Variants in SNHG17 observed in about 807,000 individuals in gnomAD.
SNHG17 encodes small nucleolar RNA host gene 17 (non-protein coding).
At chr20:38,433,801 C>G (rs2084377989) in intron 2 of SNHG17, 2 of 518,958 alleles carry the variant, frequency 3.9e-6, no homozygotes, top group Non-Finnish European at 7.7e-6. Flanking sequence ...GAGCCTTGCA[C>G]AGGGAGCACT....
chr20:38,433,996 G>C, intron 2 of SNHG17: 1 of 518,044 alleles, frequency 1.9e-6, no homozygotes, highest in Non-Finnish European at 3.9e-6. Context: ...TTCGAATACA[G>C]GTGCAAAAAA....
chr20:38,425,009 C>T (rs1284502000), intron 5 of SNHG17: 2 of 306,924 alleles, frequency 6.5e-6, no homozygotes, highest in African/African-American at 2.2e-5. Flanking sequence ...GGATGAGGTG[C>T]CCCCATCCAG....
rs540655825 is a variant in SNHG17, at chr20:38,422,818, C to T, written n.580-577G>A. ...TAAAAAGAAGACCCTTGGCCAGGCG[C>T]GGTGGCTCACACCTGTAATCCCAGT... is the stretch of plus-strand genomic sequence containing the variant. On this transcript the variant is annotated intron_variant and non_coding_transcript_variant, in intron 5 of 8. Transcript: ENST00000654008. Among the ~76,000 whole-genome samples, 114 of 152,136 alleles carry T rather than the reference C, an allele frequency of 7.5e-4. No individual in the cohort carries two copies. In the South Asian group the frequency reaches 0.017, roughly 23 times the overall value.
rs1568866677 is a variant in SNHG17 at position 38,434,054 on chromosome 20, G to A, written n.308+450C>T. The A allele has an allele frequency of 5.3e-5, 27 of 509,546 alleles. 2 individuals are homozygous for A. The highest frequency in any genetic ancestry group is 3.7e-4 in the South Asian group (26 of 70,342). 31.6% of individuals were successfully genotyped at this position (509,546 alleles called of 1,614,324 possible). On this transcript the variant is annotated intron_variant and non_coding_transcript_variant, in intron 2 of 8. Coordinates refer to ENST00000654008, the Ensembl canonical transcript of SNHG17. The stretch of plus-strand genomic sequence containing the variant: ...GTGTTAGCTGCCAGATCTCCAGAGG[G>A]AGGCTCACCCCCCAGGGAAGAGAAG...
At chr20:38,425,234 G>A (rs2084226725) in intron 5 of SNHG17, 1 of 519,060 alleles carries the variant, frequency 1.9e-6, no homozygotes, top group Admixed American at 1.9e-5. Flanking sequence ...GGATAGGAGT[G>A]GACCCTTCAA....
In SNHG17 at chr20:38,423,550, TA is replaced by T. The variant is rs34484602; in HGVS notation, n.580-1310del. Among the ~76,000 whole-genome samples the T allele has an allele frequency of 7.8e-3, 974 of 124,916 alleles. 4 individuals carry two copies. Among genetic ancestry groups the T allele is most frequent in the Middle Eastern group, 0.012 (3 of 260 alleles). 81.9% of individuals were successfully genotyped at this position (124,916 alleles called of 152,430 possible). ...CATATCTCACTTATGTGTGCAATGTTAAAAAAAAAAAAAAAAGGTCAAGCAT... is the reference window on the plus strand; with the variant it reads ...CATATCTCACTTATGTGTGCAATGTTAAAAAAAAAAAAAAAGGTCAAGCAT... On this transcript the variant is annotated intron_variant and non_coding_transcript_variant, in intron 5 of 8. Coordinates refer to ENST00000654008, the Ensembl canonical transcript of SNHG17.
intron 3 of SNHG17, chr20:38,429,938 C>A: frequency 5.0e-6 from 2 of 396,770 alleles, no homozygotes; most frequent in Non-Finnish European, 4.8e-6. Context: ...GCTTCTGACT[C>A]CCAGAGATCA....
chr20:38,420,978 TG>T (rs1482862196), intron 7 of SNHG17: 1 of 152,230 alleles, frequency 6.6e-6, no homozygotes, highest in Non-Finnish European at 1.5e-5. Context: ...CCTCTGGCTG[TG>T]GGTTCTGGCT....
At chr20:38,427,001 C>CACAT (rs2084260685) in intron 3 of SNHG17, among the ~76,000 whole-genome samples, 1 of 137,240 alleles carries the variant, frequency 7.3e-6, no homozygotes, top group African/African-American at 3.3e-5. Context: ...CACATACACA[C>CACAT]ACACACACAC....
At chr20:38,434,178 C>A (rs1023008756) in intron 2 of SNHG17, among the ~76,000 whole-genome samples, 4 of 152,204 alleles carry the variant, frequency 2.6e-5, no homozygotes, top group Non-Finnish European at 5.9e-5. Flanking sequence ...AAAAATGCCT[C>A]GGCTGTACAT....
intron 3 of SNHG17, among the ~76,000 whole-genome samples, chr20:38,426,989 T>TACACACACACACACACAC: frequency 8.9e-6 from 1 of 112,754 alleles, no homozygotes; most frequent in African/African-American, 4.9e-5. Context: ...GTCCCCAAGT[T>TACACACACACACACACAC]ACACATACAC....
intron 1 of SNHG17, chr20:38,435,061 G>A: frequency 8.1e-6 from 10 of 1,230,226 alleles, no homozygotes; most frequent in Non-Finnish European, 1.0e-5. Flanking sequence ...CGCGAATCCT[G>A]GGGGGCTCAC....
At chr20:38,433,246 G>A (rs981993722) in intron 2 of SNHG17, among the ~76,000 whole-genome samples, 7 of 152,160 alleles carry the variant, frequency 4.6e-5, no homozygotes, top group African/African-American at 1.4e-4. Context: ...AGAGTGCTGG[G>A]ATTACAGGTG....
intron 3 of SNHG17, chr20:38,426,636 G>A (rs2084253307): frequency 6.6e-6 from 1 of 150,996 alleles, no homozygotes; most frequent in Non-Finnish European, 1.5e-5. Context: ...ACTTCCCCTT[G>A]GTCCTCCCTC....
intron 5 of SNHG17, among the ~76,000 whole-genome samples, chr20:38,424,750 T>A (rs1447677544): frequency 6.6e-6 from 1 of 152,006 alleles, no homozygotes; most frequent in Non-Finnish European, 1.5e-5. Context: ...GGGGGAGCTC[T>A]AGGAAGGGGT....
At chr20:38,431,087 C>T (rs189992307) in exon 3 of SNHG17, 1 of 152,448 alleles carries the variant, frequency 6.6e-6, no homozygotes, top group East Asian at 1.9e-4. Context: ...CTCTCACACA[C>T]ATGGGGCGGC....
intron 1 of SNHG17, chr20:38,434,797 A>G: frequency 1.0e-6 from 1 of 959,468 alleles, no homozygotes; most frequent in Non-Finnish European, 1.2e-6. Context: ...GGGGAAAACG[A>G]GTTAACGGTC....
intron 3 of SNHG17, chr20:38,427,298 G>A (rs1238484245): frequency 2.0e-6 from 1 of 496,658 alleles, no homozygotes. Context: ...TGGCAGGAGA[G>A]CAACAGGAGT....
chr20:38,435,291 G>C (rs1600774319), exon 1 of SNHG17: 7 of 1,231,720 alleles, frequency 5.7e-6, no homozygotes, highest in Non-Finnish European at 7.1e-6. Flanking sequence ...GTGCGGTGGC[G>C]TGCGATGGCG....
Sources: gnomAD v4.1 joint callset for allele counts (sites outside exome capture counted in the v4.1 genomes callset) on GRCh38, gnomAD v4.1.1 for gene constraint, MANE v1.5 for transcripts, NCBI Gene and HGNC (gene_info 2026-07-23, HGNC 2026-07-21) for gene names.